CEP192: variants seen among roughly 807,000 people sequenced by gnomAD.
The protein encoded by CEP192 is centrosomal protein of 192 kDa.
CEP192 carries 151 observed loss-of-function variants against 271.8 expected under a neutral mutation model. That is an observed-to-expected ratio of 0.56 (90% CI 0.49 to 0.64). The LOEUF is 0.64. CEP192 is among the 30% of genes least tolerant of loss of function. The probability of loss-of-function intolerance (pLI) is 0.00; values close to 1 mark genes in which losing one functional copy is unlikely to be tolerated. For synonymous variants in CEP192, 995 were observed against 1,076.5 expected (o/e 0.92, Z 1.48); for missense variants, 2,910 against 3,020.5 (o/e 0.96, Z 0.86).
intron 15 of CEP192, among the ~76,000 whole-genome samples, chr18:13,046,894 G>T (rs2143929725): frequency 7.5e-6 from 1 of 133,096 alleles, no homozygotes; most frequent in Non-Finnish European, 1.6e-5. Flanking sequence ...TCTCTACAAT[G>T]TCTTTATCTC....
At position 13,068,166 on chromosome 18, in the gene CEP192, G is replaced by T; in HGVS notation, c.4687G>T (p.Ala1563Ser). 6.2e-7 allele frequency: 1 copy of T among 1,614,194 alleles called. No individual in the cohort carries two copies. The highest frequency in any genetic ancestry group is 8.5e-7 in the Non-Finnish European group (1 of 1,180,022). The change falls in exon 23 of 45, where the codon GCT becomes TCT. Residue 1563 changes from alanine to serine, a missense_variant. Transcript: ENST00000506447. ...VRAPVEVAPC[A>S]DVVTRLAGPS... ...AGCTCCTGTGGAAGTTGCTCCTTGC[G>T]CTGATGTGGTCACTCGGCTAGCAGG...
chr18:13,080,617 A>G (rs1303594913), intron 30 of CEP192, among the ~76,000 whole-genome samples: 1 of 152,208 alleles, frequency 6.6e-6, no homozygotes, highest in Non-Finnish European at 1.5e-5. Context: ...TTCCTAATTG[A>G]ATACCCTTTA....
At chr18:13,038,628 T>C in intron 13 of CEP192, 49 bp downstream of exon 13, 4 of 1,378,818 alleles carry the variant, frequency 2.9e-6, no homozygotes, top group Non-Finnish European at 4.0e-6. Flanking sequence ...GATTTTAGAT[T>C]TTGAGTATTA....
In CEP192 at chr18:13,029,649, T is replaced by C. The variant is rs1439754908; in HGVS notation, c.1051-14T>C. The C allele has an allele frequency of 6.9e-7, 1 of 1,452,320 alleles. No homozygotes were observed. Among genetic ancestry groups the C allele is most frequent in the Non-Finnish European group, 9.2e-7 (1 of 1,092,392 alleles). The allele number at this position is 1,452,320 out of a possible 1,614,324, so 90.0% of individuals were successfully genotyped here. On this transcript the variant is annotated splice_polypyrimidine_tract_variant and intron_variant, in intron 9 of 44. Transcript: ENST00000506447. ...CTGTTGCTCTGTTAAAAAATCTGAT[T>C]TTTTGTTTTAAAGGAATGTGCAAGT...
At chr18:13,071,723 TG>T (rs1163933089) in intron 28 of CEP192, among the ~76,000 whole-genome samples, 1 of 146,924 alleles carries the variant, frequency 6.8e-6, no homozygotes, top group Non-Finnish European at 1.5e-5. Context: ...TGTTTGTTGT[TG>T]TTTTTTTTTG....
At chr18:13,039,167 G>A (rs2036067396) in intron 13 of CEP192, among the ~76,000 whole-genome samples, 1 of 152,094 alleles carries the variant, frequency 6.6e-6, no homozygotes, top group Non-Finnish European at 1.5e-5. Context: ...TGAAAAGGAG[G>A]CAGCAGGGCC....
intron 39 of CEP192, chr18:13,103,850 C>T (rs1285946777): frequency 3.7e-6 from 2 of 541,042 alleles, no homozygotes; most frequent in East Asian, 9.0e-5. Context: ...CCACCATGTC[C>T]AGCTAACTTT....
chr18:13,049,529 C>G lies in CEP192; in HGVS notation c.2738C>G (p.Pro913Arg), dbSNP rs1298209506. The G allele has an allele frequency of 5.6e-6, 9 of 1,613,828 alleles. No homozygotes were observed. Among genetic ancestry groups the G allele is most frequent in the Non-Finnish European group, 6.8e-6 (8 of 1,179,954 alleles). The change falls in exon 16 of 45, where the codon CCC becomes CGC. Residue 913 changes from proline to arginine, a missense_variant. Pro to Arg is a moderately radical substitution (Grantham distance 103). Transcript: ENST00000506447. The part of the protein sequence containing the change: ...PSDSYSSVRN[P>R]RITSLCLLKD... ...GATAGTTATTCATCAGTGAGGAACC[C>G]CAGAATAACATCCCTTTGTCTGTTA...
intron 21 of CEP192, among the ~76,000 whole-genome samples, chr18:13,067,528 G>C (rs1299990714): frequency 6.6e-6 from 1 of 152,082 alleles, no homozygotes; most frequent in African/African-American, 2.4e-5. Flanking sequence ...TCTAATAATA[G>C]AACCCATTGA....
At chr18:13,107,437 A>G (rs1344537561) in intron 40 of CEP192, among the ~76,000 whole-genome samples, 1 of 152,234 alleles carries the variant, frequency 6.6e-6, no homozygotes. Flanking sequence ...GTTTTTGGAA[A>G]GCACTTGATG....
chr18:13,055,375 G>A (rs760064938), intron 18 of CEP192, among the ~76,000 whole-genome samples: 3 of 151,798 alleles, frequency 2.0e-5, no homozygotes, highest in Admixed American at 6.6e-5. Flanking sequence ...CTGCTGAGCC[G>A]CCGCCTGACC....
chr18:13,045,091 C>G (rs2036403840), intron 15 of CEP192, among the ~76,000 whole-genome samples: 1 of 152,102 alleles, frequency 6.6e-6, no homozygotes, highest in Non-Finnish European at 1.5e-5. Context: ...GGTTGTTAAG[C>G]TATGTCTCTT....
chr18:13,031,434 A>T (rs911016160), intron 11 of CEP192, among the ~76,000 whole-genome samples: 2 of 151,682 alleles, frequency 1.3e-5, no homozygotes, highest in African/African-American at 4.8e-5. Context: ...TTTTTAGTAG[A>T]GACGGGGTTT....
intron 4 of CEP192, among the ~76,000 whole-genome samples, chr18:13,010,786 C>T (rs1311863247): frequency 6.6e-6 from 1 of 151,626 alleles, no homozygotes; most frequent in African/African-American, 2.4e-5. Flanking sequence ...GTGGAGGTTG[C>T]GGTGAGCCGA....
At position 13,113,665 on chromosome 18, in the gene CEP192, C is replaced by T. The variant is rs774993232; in HGVS notation, c.7127C>T (p.Pro2376Leu). The T allele has an allele frequency of 7.4e-6, 12 of 1,613,336 alleles. No individual in the cohort carries two copies. The East Asian group carries it at 2.5e-4, about 33-fold the overall frequency. The change falls in exon 41 of 45, where the codon CCT becomes CTT. Residue 2376 changes from proline (P) to leucine (L), a missense_variant. Physicochemically the swap from Pro to Leu is moderately conservative, Grantham distance 98 (BLOSUM62 -3). Transcript: ENST00000506447. ...GTTGAATGTCACCCTCTTAAGGAGCCTCACATGAAACACACGTTGAGATTC... is the reference window on the plus strand; with the variant it reads ...GTTGAATGTCACCCTCTTAAGGAGCTTCACATGAAACACACGTTGAGATTC... ...WDVECHPLKE[P>L]HMKHTLRFQL... is the part of the protein sequence containing the mutation.
At chr18:13,066,544 T>G (rs1259097197) in intron 21 of CEP192, among the ~76,000 whole-genome samples, 1 of 152,242 alleles carries the variant, frequency 6.6e-6, no homozygotes, top group East Asian at 1.9e-4. Flanking sequence ...GAGAGTACTT[T>G]TGCAGAAATG....
intron 3 of CEP192, among the ~76,000 whole-genome samples, chr18:13,004,743 C>G (rs1210785297): frequency 6.6e-6 from 1 of 152,058 alleles, no homozygotes; most frequent in Admixed American, 6.6e-5. Context: ...CATCAAGGGC[C>G]CAACTTGAGG....
rs756808438 is a variant in CEP192 at position 13,042,260 on chromosome 18, G to T, written c.1993G>T (p.Val665Phe). Residue 665 changes from valine to phenylalanine, a missense_variant, in exon 15 of 45, where the codon GTT (valine) becomes TTT (phenylalanine). Coordinates refer to ENST00000506447, the MANE Select transcript of CEP192 (RefSeq NM_032142.4). The part of the protein sequence containing the change: ...QLSEGSITLQ[V>F]EAVESTSQVD... ...AAGTGAAGGATCAATTACACTTCAG[G>T]TTGAAGCAGTAGAGAGTACTTCACA... 1 of 1,613,630 alleles carries T rather than the reference G, an allele frequency of 6.2e-7. No individual in the cohort carries two copies. Among genetic ancestry groups the T allele is most frequent in the Non-Finnish European group, 8.5e-7 (1 of 1,179,554 alleles).
intron 42 of CEP192, among the ~76,000 whole-genome samples, chr18:13,114,462 T>C (rs1352508559): frequency 3.9e-5 from 6 of 152,232 alleles, no homozygotes; most frequent in African/African-American, 1.2e-4. Flanking sequence ...TAGATTCATT[T>C]TGCTTGAACT....
Sources: gnomAD v4.1 joint callset for allele counts (sites outside exome capture counted in the v4.1 genomes callset) on GRCh38, gnomAD v4.1.1 for gene constraint, MANE v1.5 for transcripts, NCBI Gene and HGNC (gene_info 2026-07-23, HGNC 2026-07-21) for gene names.